Variants in PRLR observed in about 807,000 individuals in gnomAD.
The protein encoded by PRLR is prolactin receptor.
Under a neutral mutation model 40.2 loss-of-function variants are expected in PRLR, and 13 were observed. The ratio of observed to expected loss-of-function variants is 0.32; its 90% confidence interval spans 0.21 to 0.51. PRLR has a LOEUF of 0.51. Ranked by LOEUF, PRLR falls within the 20% of genes least tolerant of loss-of-function variation. The pLI is 0.97. For synonymous variants in PRLR, 269 were observed against 278.7 expected, an observed-to-expected ratio of 0.97 and a Z score of 0.35; for missense variants, 656 against 747.3, an observed-to-expected ratio of 0.88 and a Z score of 1.42.
chr5:35,121,284 G>T (rs1372484944), intron 1 of PRLR, among the ~76,000 whole-genome samples: 2 of 152,180 alleles, frequency 1.3e-5, no homozygotes, highest in Non-Finnish European at 2.9e-5. Context: ...GATGTGGGAG[G>T]TAACACTGCC....
In PRLR at chr5:35,144,876, G is replaced by A. The variant is rs150319793; in HGVS notation, c.-105-26754C>T. 4.9e-4 allele frequency among the ~76,000 whole-genome samples: 75 copies of A among 152,256 alleles called. 1 individual carries two copies. In the East Asian group the frequency reaches 0.013, roughly 27 times the overall value. On this transcript the variant is annotated intron_variant, in intron 1 of 9. Coordinates refer to ENST00000618457, the MANE Select transcript of PRLR (RefSeq NM_000949.7). ...CTTGAGTAGCTGGGACTACAGGTGC[G>A]TGAGGTAACTTTGCCTTTGATTTGC...
At chr5:35,106,836 G>A (rs562276911) in intron 2 of PRLR, among the ~76,000 whole-genome samples, 1 of 152,124 alleles carries the variant, frequency 6.6e-6, no homozygotes, top group African/African-American at 2.4e-5. Context: ...AAGTTAACAA[G>A]GATATTCAGA....
At chr5:35,209,741 A>T (rs970677439) in intron 1 of PRLR, among the ~76,000 whole-genome samples, 1 of 152,214 alleles carries the variant, frequency 6.6e-6, no homozygotes, top group Non-Finnish European at 1.5e-5. Flanking sequence ...AGGAAAACGT[A>T]TTCACTGTGC....
intron 1 of PRLR, among the ~76,000 whole-genome samples, chr5:35,164,956 T>C (rs1254506872): frequency 6.6e-6 from 1 of 152,246 alleles, no homozygotes; most frequent in Non-Finnish European, 1.5e-5. Context: ...TTTGGGTCTC[T>C]GTGTTGAGGA....
At chr5:35,066,579 C>A (rs1487782942) in intron 9 of PRLR, among the ~76,000 whole-genome samples, 1 of 151,336 alleles carries the variant, frequency 6.6e-6, no homozygotes, top group African/African-American at 2.4e-5. Context: ...CTTCTTATTT[C>A]CCCTTCCCTT....
chr5:35,192,074 C>T (rs933537591), intron 1 of PRLR, among the ~76,000 whole-genome samples: 12 of 152,202 alleles, frequency 7.9e-5, no homozygotes, highest in Non-Finnish European at 1.0e-4. Context: ...GACTTCATCA[C>T]GCTTGACATG....
intron 1 of PRLR, among the ~76,000 whole-genome samples, chr5:35,189,956 G>C (rs543922561): frequency 6.6e-6 from 1 of 152,144 alleles, no homozygotes; most frequent in Non-Finnish European, 1.5e-5. Context: ...CCCAGTCCAG[G>C]GTTTTCCTGC....
chr5:35,118,958 C>A (rs13168862), intron 1 of PRLR, among the ~76,000 whole-genome samples: 8,261 of 151,866 alleles, frequency 0.054, 528 homozygotes, highest in East Asian at 0.18. Flanking sequence ...TTACACCTGG[C>A]GAAGTTTTTG....
At chr5:35,220,734 G>C (rs916811677) in intron 1 of PRLR, among the ~76,000 whole-genome samples, 2 of 152,108 alleles carry the variant, frequency 1.3e-5, no homozygotes, top group African/African-American at 4.8e-5. Context: ...TTGACTAACA[G>C]GAGGCCTCTG....
At chr5:35,103,591 A>G (rs976135283) in intron 2 of PRLR, among the ~76,000 whole-genome samples, 1 of 152,266 alleles carries the variant, frequency 6.6e-6, no homozygotes, top group Non-Finnish European at 1.5e-5. Flanking sequence ...GAGATTGGGA[A>G]GTCAAAACTC....
At chr5:35,099,010 T>A (rs879348735) in intron 2 of PRLR, among the ~76,000 whole-genome samples, 2 of 152,142 alleles carry the variant, frequency 1.3e-5, no homozygotes, top group Admixed American at 1.3e-4. Flanking sequence ...TCAAGAATGT[T>A]GCTAAATGTA....
rs147565190 is a variant in PRLR at position 35,083,433 on chromosome 5, T to C, written c.373+1037A>G. Among the ~76,000 whole-genome samples, 18 of 141,430 alleles carry C rather than the reference T, an allele frequency of 1.3e-4. No homozygotes were observed. The East Asian group carries it at 3.4e-3, about 27-fold the overall frequency. The allele number at this position is 141,430 out of a possible 152,430, so 92.8% of individuals were successfully genotyped here. On this transcript the variant is annotated intron_variant, in intron 5 of 9. Transcript: ENST00000618457. ...CAGAGGTGATAAATCTCTCTCTCTC[T>C]CTCTTCCTCTCTCTCTGTGTGTGTG...
chr5:35,211,243 TC>T (rs1390406809), intron 1 of PRLR, among the ~76,000 whole-genome samples: 13 of 152,124 alleles, frequency 8.5e-5, no homozygotes, highest in Non-Finnish European at 1.5e-4. Context: ...TCTCAATTTC[TC>T]CCCCACTTTC....
chr5:35,108,173 C>T (rs1398098412), intron 2 of PRLR, among the ~76,000 whole-genome samples: 1 of 152,032 alleles, frequency 6.6e-6, no homozygotes, highest in East Asian at 1.9e-4. Flanking sequence ...AAATTCAACA[C>T]CCCTTCATGC....
chr5:35,169,265 C>G (rs2111936336), intron 1 of PRLR, among the ~76,000 whole-genome samples: 1 of 152,218 alleles, frequency 6.6e-6, no homozygotes, highest in African/African-American at 2.4e-5. Context: ...ATATGTGTGG[C>G]TTGCGGAAAG....
intron 1 of PRLR, among the ~76,000 whole-genome samples, chr5:35,118,613 C>T (rs936631463): frequency 6.6e-6 from 1 of 152,090 alleles, no homozygotes; most frequent in African/African-American, 2.4e-5. Context: ...GCCAGTTATC[C>T]TAGTTGGGAT....
chr5:35,095,386 G>T (rs899364066), intron 2 of PRLR, among the ~76,000 whole-genome samples: 1 of 152,184 alleles, frequency 6.6e-6, no homozygotes, highest in Non-Finnish European at 1.5e-5. Flanking sequence ...CTGGTCCCAC[G>T]CTGGTATTTC....
intron 5 of PRLR, among the ~76,000 whole-genome samples, chr5:35,073,957 G>A (rs1407059284): frequency 6.6e-6 from 1 of 152,144 alleles, no homozygotes; most frequent in Non-Finnish European, 1.5e-5. Flanking sequence ...GTAAACTGGT[G>A]CAACCACTGT....
At chr5:35,186,792 T>C (rs1027129562) in intron 1 of PRLR, among the ~76,000 whole-genome samples, 5 of 152,180 alleles carry the variant, frequency 3.3e-5, no homozygotes, top group Non-Finnish European at 7.3e-5. Flanking sequence ...TAAAAATCTA[T>C]TTGATTCACT....
Sources: allele counts gnomAD v4.1 joint callset (sites outside exome capture counted in the v4.1 genomes callset), GRCh38; gene constraint gnomAD v4.1.1; transcripts MANE v1.5; gene names NCBI Gene and HGNC (gene_info 2026-07-23, HGNC 2026-07-21).